The following AKAP13 variants were observed in gnomAD, a reference collection of about 807,000 sequenced individuals.
The protein encoded by AKAP13 is A-kinase anchor protein 13.
In AKAP13, 80 loss-of-function variants were observed where a neutral mutation model predicts 264.5. The ratio of observed to expected loss-of-function variants is 0.30; its 90% CI spans 0.25 to 0.36. The LOEUF (loss-of-function observed/expected upper bound fraction) is 0.36. Among genes scored for constraint, AKAP13 ranks in the 10% least tolerant of loss-of-function variants. AKAP13 has a pLI of 1.00. For missense variants in AKAP13, 3,712 were observed against 3,435.2 expected, an observed-to-expected ratio of 1.08 and a Z score of -2.01; for synonymous variants, 1,380 against 1,250.2, an observed-to-expected ratio of 1.10 and a Z score of -2.19.
intron 1 of AKAP13, among the ~76,000 whole-genome samples, chr15:85,428,128 CT>C (rs1407257435): frequency 6.6e-6 from 1 of 152,110 alleles, no homozygotes; most frequent in African/African-American, 2.4e-5. Context: ...ATGTAATTCT[CT>C]TGCTTTTCCT....
rs573041812 is a variant in AKAP13, at chr15:85,588,156, A to T, written c.4161+2333A>T. 6.6e-5 allele frequency among the ~76,000 whole-genome samples: 10 copies of T among 152,246 alleles called. No individual in the cohort carries two copies. In the East Asian group the frequency reaches 1.4e-3, roughly 21 times the overall value. Reference sequence around the variant, plus strand: ...GGACTAAGTGGTATGTTTTTTTGAAATTTCACGGTAGGTAAATGGAACAGA... The same window carrying T: ...GGACTAAGTGGTATGTTTTTTTGAATTTTCACGGTAGGTAAATGGAACAGA... On this transcript the variant is annotated intron_variant, in intron 8 of 36. Coordinates refer to ENST00000394518, the MANE Select transcript of AKAP13 (RefSeq NM_007200.5).
At chr15:85,668,215 C>T (rs568819394) in intron 13 of AKAP13, among the ~76,000 whole-genome samples, 1 of 152,202 alleles carries the variant, frequency 6.6e-6, no homozygotes, top group Non-Finnish European at 1.5e-5. Flanking sequence ...ACACATGAAA[C>T]AAGCTCTAAA....
chr15:85,549,276 A>T (rs1264180202), intron 5 of AKAP13, among the ~76,000 whole-genome samples: 1 of 152,196 alleles, frequency 6.6e-6, no homozygotes, highest in Non-Finnish European at 1.5e-5. Flanking sequence ...TGGAACAAGG[A>T]ATTCTAGATG....
intron 8 of AKAP13, among the ~76,000 whole-genome samples, chr15:85,627,246 T>A (rs570736987): frequency 6.6e-6 from 1 of 152,270 alleles, no homozygotes; most frequent in African/African-American, 2.4e-5. Context: ...GGACATATTG[T>A]TATTTCAAAC....
intron 4 of AKAP13, among the ~76,000 whole-genome samples, chr15:85,538,980 G>A (rs1335342947): frequency 6.7e-6 from 1 of 149,538 alleles, no homozygotes; most frequent in Non-Finnish European, 1.5e-5. Context: ...ACAGGTGCCC[G>A]CCACCACGCC....
At chr15:85,443,030 A>T (rs1480380025) in intron 1 of AKAP13, among the ~76,000 whole-genome samples, 1 of 152,112 alleles carries the variant, frequency 6.6e-6, no homozygotes, top group Non-Finnish European at 1.5e-5. Flanking sequence ...TCACTCAGCT[A>T]GTATGTGGTA....
At position 85,581,628 on chromosome 15, in the gene AKAP13, T is replaced by G. The variant is rs1410752240; in HGVS notation, c.3560T>G (p.Leu1187Arg). 6.2e-7 allele frequency: 1 copy of G among 1,614,198 alleles called. No individual in the cohort carries two copies. Among genetic ancestry groups the G allele is most frequent in the East Asian group, 2.2e-5 (1 of 44,888 alleles). ...AQIDDEAHPVLLQPVAKELPT... is the reference protein window; with the variant it reads ...AQIDDEAHPVRLQPVAKELPT... ...ATAGACGATGAAGCACATCCTGTCCTACTGCAGCCTGTTGCCAAGGAGCTC... is the reference window on the plus strand; with the variant it reads ...ATAGACGATGAAGCACATCCTGTCCGACTGCAGCCTGTTGCCAAGGAGCTC... The change falls in exon 7 of 37, where the codon CTA (leucine) becomes CGA (arginine). Residue 1187 changes from leucine (L) to arginine (R), a missense_variant. By Grantham distance (102) the Leu-to-Arg change is moderately radical (BLOSUM62 -2). Coordinates refer to ENST00000394518, the MANE Select transcript of AKAP13 (RefSeq NM_007200.5).
chr15:85,400,185 A>G (rs540947719), intron 1 of AKAP13, among the ~76,000 whole-genome samples: 1 of 152,306 alleles, frequency 6.6e-6, no homozygotes, highest in African/African-American at 2.4e-5. Context: ...GGATAGCTTG[A>G]AGTCAGGAGG....
At chr15:85,517,854 G>GC (rs1042365266) in intron 2 of AKAP13, among the ~76,000 whole-genome samples, 3 of 152,096 alleles carry the variant, frequency 2.0e-5, no homozygotes, top group African/African-American at 7.2e-5. Flanking sequence ...ATTGTCAGTT[G>GC]CAGGGATACA....
chr15:85,513,588 T>C (rs1481803008), intron 2 of AKAP13, among the ~76,000 whole-genome samples: 2 of 152,234 alleles, frequency 1.3e-5, no homozygotes, highest in Admixed American at 1.3e-4. Context: ...ACAATTTTTT[T>C]CCTTAATTAT....
In AKAP13 at chr15:85,655,786, A is replaced by C; in HGVS notation, c.4744A>C (p.Ser1582Arg). The C allele has an allele frequency of 6.2e-7, 1 of 1,602,620 alleles. No individual in the cohort carries two copies. The highest frequency in any genetic ancestry group is 8.5e-7 in the Non-Finnish European group (1 of 1,171,274). ...CAGCGATGCAGAAATGAACCACCGG[A>C]GGTGAGATGGGAGGCGGTTTGTTTA... is the stretch of plus-strand genomic sequence containing the variant. ...AASDAEMNHR[S>R]SMRVLGDVVR... is the part of the protein sequence containing the mutation. Residue 1582 changes from serine (S) to arginine (R), a missense_variant and splice_region_variant, in exon 11 of 37, where the codon AGT becomes CGT. Ser to Arg is a moderately radical substitution (Grantham distance 110). Around this residue, in one of 3 missense-constraint regions of AKAP13, gnomAD observed 2,759 missense variants for 2,411.7 expected, o/e 1.14. Transcript: ENST00000394518.
intron 1 of AKAP13, among the ~76,000 whole-genome samples, chr15:85,416,813 A>AT (rs2150886789): frequency 6.6e-6 from 1 of 152,202 alleles, no homozygotes; most frequent in South Asian, 2.1e-4. Context: ...ATCATGGTTC[A>AT]TTTCTCCTTT....
At chr15:85,487,847 T>C (rs917375252) in intron 2 of AKAP13, among the ~76,000 whole-genome samples, 1 of 152,104 alleles carries the variant, frequency 6.6e-6, no homozygotes, top group African/African-American at 2.4e-5. Context: ...TCATCCCACC[T>C]CAGCCTCCTG....
chr15:85,554,717 T>C (rs1346513497), intron 5 of AKAP13, among the ~76,000 whole-genome samples: 3 of 152,224 alleles, frequency 2.0e-5, no homozygotes, highest in Non-Finnish European at 2.9e-5. Context: ...GCTAACATTT[T>C]GAATTCACAT....
At chr15:85,422,331 A>G (rs1316072249) in intron 1 of AKAP13, among the ~76,000 whole-genome samples, 1 of 152,166 alleles carries the variant, frequency 6.6e-6, no homozygotes, top group African/African-American at 2.4e-5. Flanking sequence ...TGTTTCATGA[A>G]GGAGATGATG....
chr15:85,634,996 T>TAGAA (rs2082012688), intron 8 of AKAP13: 2 of 397,492 alleles, frequency 5.0e-6, no homozygotes, highest in Non-Finnish European at 8.9e-6. Flanking sequence ...GGACTGTTTC[T>TAGAA]AGTTTGGAGC....
chr15:85,424,537 T>C (rs1258046214), intron 1 of AKAP13, among the ~76,000 whole-genome samples: 2 of 152,246 alleles, frequency 1.3e-5, no homozygotes, highest in Non-Finnish European at 2.9e-5. Flanking sequence ...TGTGGCTGGC[T>C]TGATCTTCTA....
chr15:85,396,019 CAT>C (rs1243726319), intron 1 of AKAP13, among the ~76,000 whole-genome samples: 6 of 70,646 alleles, frequency 8.5e-5, no homozygotes, highest in African/African-American at 1.3e-4. Context: ...ACTATACATA[CAT>C]ACACACACAC....
chr15:85,741,628 C>T lies in AKAP13; in HGVS notation c.8058+133C>T, dbSNP rs978550919. The T allele has an allele frequency of 4.1e-5, 56 of 1,367,352 alleles. No homozygotes were observed. In the South Asian group the frequency reaches 8.9e-4, roughly 22 times the overall value. 84.7% of individuals were successfully genotyped at this position (1,367,352 alleles called of 1,614,324 possible). A position where few individuals can be genotyped will look rare whatever the true frequency, so the allele number is the denominator to read the frequency against. ...CAGATGCTCATGCCTGTGATCCCAGCACTTTAGGAGGCTGAGGTGAGAGGG... is the reference window on the plus strand; with the variant it reads ...CAGATGCTCATGCCTGTGATCCCAGTACTTTAGGAGGCTGAGGTGAGAGGG... On this transcript the variant is annotated intron_variant, in intron 35 of 36. Transcript: ENST00000394518.
Sources: gnomAD v4.1 joint callset for allele counts (sites outside exome capture counted in the v4.1 genomes callset) on GRCh38, gnomAD v4.1.1 for gene constraint, gnomAD v4.1.1 regional missense constraint, MANE v1.5 for transcripts, NCBI Gene and HGNC (gene_info 2026-07-23, HGNC 2026-07-21) for gene names.